KMO: variants seen among roughly 807,000 people sequenced by gnomAD.
KMO encodes kynurenine 3-hydroxylase.
KMO carries 24 observed loss-of-function variants against 57.8 expected under a neutral mutation model. The ratio of observed to expected loss-of-function variants is 0.42; its 90% CI spans 0.30 to 0.58. KMO has a LOEUF of 0.58. KMO is among the 20% of genes least tolerant of loss of function. KMO has a pLI of 0.22. For missense variants in KMO, 483 were observed against 588.2 expected (o/e 0.82, Z 1.85); for synonymous variants, 210 against 193.6 (o/e 1.08, Z -0.70).
At position 241,594,414 on chromosome 1, in the gene KMO, G is replaced by A; in HGVS notation, c.*2261G>A. Reference sequence around the variant, plus strand: ...CCAATTTAAGGCCCCATCTTTCGTTGCCATTCTTCATTCCTACAAAGGACG... The same window carrying A: ...CCAATTTAAGGCCCCATCTTTCGTTACCATTCTTCATTCCTACAAAGGACG... On this transcript the variant is annotated 3_prime_UTR_variant, in exon 15 of 15. Coordinates refer to ENST00000366559, the MANE Select transcript of KMO (RefSeq NM_003679.5). The A allele has an allele frequency of 1.2e-6, 2 of 1,606,498 alleles. No homozygotes were observed. The highest frequency in any genetic ancestry group is 1.7e-6 in the Non-Finnish European group (2 of 1,174,756).
chr1:241,556,762 G>A (rs1661641262), intron 5 of KMO, among the ~76,000 whole-genome samples: 1 of 152,120 alleles, frequency 6.6e-6, no homozygotes, highest in East Asian at 1.9e-4. Flanking sequence ...GGTGGCACAT[G>A]CCGGTAATCC....
At position 241,542,321 on chromosome 1, in the gene KMO, G is replaced by C. The variant is rs1212308120; in HGVS notation, c.55-6508G>C. On this transcript the variant is annotated intron_variant, in intron 1 of 14. Transcript: ENST00000366559. ...AAATATTCAAATAATATTTTTAAGT[G>C]GTAGGTTAGGCATCCCTATACAGCA... Among the ~76,000 whole-genome samples the C allele has an allele frequency of 2.0e-5, 3 of 152,092 alleles. No homozygotes were observed. In the East Asian group the frequency reaches 5.8e-4, roughly 29 times the overall value.
chr1:241,562,312 A>G lies in KMO; in HGVS notation c.595A>G (p.Ile199Val), dbSNP rs549995969. ...YIPHGYMELT[I>V]PPKNGDYAME... is the part of the protein sequence containing the mutation. ...TCCTCATGGGTACATGGAGTTGACT[A>G]TTCCACCTAAGAACGGAGATGTAAG... The change falls in exon 7 of 15, where the codon ATT becomes GTT. Residue 199 changes from isoleucine (I) to valine (V), a missense_variant. Ile to Val is a conservative substitution (Grantham distance 29). Transcript: ENST00000366559. The G allele has an allele frequency of 6.2e-7, 1 of 1,614,116 alleles. No homozygotes were observed. The highest frequency in any genetic ancestry group is 8.5e-7 in the Non-Finnish European group (1 of 1,179,962).
rs759424947 is a variant in KMO at position 241,590,068 on chromosome 1, T to G, written c.1155T>G (p.Phe385Leu). 1 of 1,613,938 alleles carries G rather than the reference T, an allele frequency of 6.2e-7. No individual in the cohort carries two copies. The highest frequency in any genetic ancestry group is 1.3e-5 in the African/African-American group (1 of 74,938). Residue 385 changes from phenylalanine to leucine, a missense_variant, in exon 13 of 15, where the codon TTT (phenylalanine) becomes TTG (leucine). Coordinates refer to ENST00000366559, the MANE Select transcript of KMO (RefSeq NM_003679.5). Reference protein sequence around the residue: ...WFIFQKNMERFLHAIMPSTFI... With the variant: ...WFIFQKNMERLLHAIMPSTFI... ...TTTTTCAGAAGAACATGGAGAGATT[T>G]CTTCATGCGATTATGCCATCGACCT... is the stretch of plus-strand genomic sequence containing the variant.
At chr1:241,583,622 T>A (rs937982461) in intron 10 of KMO, among the ~76,000 whole-genome samples, 1 of 152,230 alleles carries the variant, frequency 6.6e-6, no homozygotes, top group Non-Finnish European at 1.5e-5. Flanking sequence ...CTTAAAATCA[T>A]CTATAGATTA....
In KMO at chr1:241,588,756, C is replaced by T; in HGVS notation, c.1024C>T (p.Leu342Phe). 3 of 1,611,576 alleles carry T rather than the reference C, an allele frequency of 1.9e-6. No individual in the cohort carries two copies. The highest frequency in any genetic ancestry group is 1.7e-6 in the Non-Finnish European group (2 of 1,177,966). Residue 342 changes from leucine (L) to phenylalanine (F), a missense_variant, in exon 12 of 15, where the codon CTT (leucine) becomes TTT (phenylalanine). Around this residue, in one of 3 missense-constraint regions of KMO, gnomAD observed 410 missense variants for 492.3 expected, o/e 0.83. Transcript: ENST00000366559. ...TATTATTTAACTTACAGGTTTGTGT[C>T]TTCCTGTGTTCTCAAGATTGAGAAT... ...DKFSNDLSLC[L>F]PVFSRLRIPD...
chr1:241,547,505 G>A (rs1298309992), intron 1 of KMO, among the ~76,000 whole-genome samples: 2 of 151,722 alleles, frequency 1.3e-5, no homozygotes, highest in Non-Finnish European at 2.9e-5. Flanking sequence ...TGGTGAAAGA[G>A]GAGATCCAAA....
At position 241,550,752 on chromosome 1, in the gene KMO, C is replaced by T. The variant is rs140230482; in HGVS notation, c.223-203C>T. Among the ~76,000 whole-genome samples the T allele has an allele frequency of 8.0e-3, 1,222 of 152,150 alleles. 11 individuals are homozygous for T. Among genetic ancestry groups the T allele is most frequent in the African/African-American group, 0.028 (1,182 of 41,478 alleles). On this transcript the variant is annotated intron_variant, in intron 3 of 14. Coordinates refer to ENST00000366559, the MANE Select transcript of KMO (RefSeq NM_003679.5). ...ATAAATTTTAAGCCGGTTCTAAGAT[C>T]TAAGATTAAAAAAACAAACTAAAAG...
intron 3 of KMO, 157 bp downstream of exon 3, chr1:241,549,931 G>A (rs1298738379): frequency 1.7e-6 from 1 of 589,608 alleles, no homozygotes; most frequent in Non-Finnish European, 3.0e-6. Context: ...AATTTGGCAA[G>A]AGGGTGAACA....
At chr1:241,582,846 GT>G (rs758400792) in intron 10 of KMO, among the ~76,000 whole-genome samples, 3 of 152,160 alleles carry the variant, frequency 2.0e-5, no homozygotes, top group Non-Finnish European at 4.4e-5. Flanking sequence ...ATATCTGGGT[GT>G]TGAAGAATTA....
chr1:241,569,301 T>A (rs759916480), intron 10 of KMO, among the ~76,000 whole-genome samples: 23 of 151,212 alleles, frequency 1.5e-4, no homozygotes, highest in Non-Finnish European at 2.7e-4. Context: ...CCATTAACTA[T>A]CTCCACTTTA....
chr1:241,578,483 G>T (rs1314485948), intron 10 of KMO, among the ~76,000 whole-genome samples: 1 of 152,158 alleles, frequency 6.6e-6, no homozygotes, highest in Non-Finnish European at 1.5e-5. Flanking sequence ...TCTAGGTCCA[G>T]CAACACAGTG....
intron 4 of KMO, among the ~76,000 whole-genome samples, chr1:241,552,721 A>T (rs1661455575): frequency 6.6e-6 from 1 of 152,172 alleles, no homozygotes; most frequent in South Asian, 2.1e-4. Context: ...CACGGGCGAT[A>T]ATTTAGAAAT....
In KMO at chr1:241,556,814, A is replaced by G. The variant is rs564373582; in HGVS notation, c.361+1154A>G. Among the ~76,000 whole-genome samples the G allele has an allele frequency of 6.7e-3, 1,024 of 152,160 alleles. 15 individuals carry two copies. Among genetic ancestry groups the G allele is most frequent in the African/African-American group, 0.023 (975 of 41,548 alleles). ...TGAGGCAGGAGAATTGCTTGAACCC[A>G]GGAGGCGGAGGTTGCAGTGAGCCGA... On this transcript the variant is annotated intron_variant, in intron 5 of 14. Coordinates refer to ENST00000366559, the MANE Select transcript of KMO (RefSeq NM_003679.5).
rs764298399 is a variant in KMO at position 241,591,931 on chromosome 1, G to A, written c.1261-22G>A. On this transcript the variant is annotated intron_variant, in intron 14 of 14. Coordinates refer to ENST00000366559, the MANE Select transcript of KMO (RefSeq NM_003679.5). ...ATTTTAATCTCTGGACAAATGAAAT[G>A]AGAGTTCTTGCTGTCTTACAGGTGA... 5.6e-6 allele frequency: 9 copies of A among 1,593,970 alleles called. No individual in the cohort carries two copies. In the South Asian group the frequency reaches 1.0e-4, roughly 18 times the overall value.
chr1:241,549,245 G>T (rs1661287296), intron 2 of KMO, among the ~76,000 whole-genome samples: 1 of 20,192 alleles, frequency 5.0e-5, no homozygotes, highest in East Asian at 2.3e-3. Context: ...AAGAAAGAAA[G>T]AAAGAAAGAA....
intron 8 of KMO, among the ~76,000 whole-genome samples, chr1:241,565,838 G>A (rs917037832): frequency 3.9e-5 from 6 of 152,012 alleles, no homozygotes; most frequent in Non-Finnish European, 8.8e-5. Context: ...ATCTGTCCTG[G>A]GGTCCAGGGC....
At chr1:241,536,808 T>G (rs902806090) in intron 1 of KMO, among the ~76,000 whole-genome samples, 3 of 152,202 alleles carry the variant, frequency 2.0e-5, no homozygotes, top group Non-Finnish European at 4.4e-5. Flanking sequence ...GTATTTTGAC[T>G]TATTGTTGAT....
rs186538230 is a variant in KMO, at chr1:241,586,221, C to T, written c.958-458C>T. 9.0e-3 allele frequency among the ~76,000 whole-genome samples: 862 copies of T among 95,342 alleles called. 15 individuals carry two copies. The highest frequency in any genetic ancestry group is 0.033 in the African/African-American group (833 of 25,024). The allele number at this position is 95,342 out of a possible 152,430, so 62.5% of individuals were successfully genotyped here. A position where few individuals can be genotyped will look rare whatever the true frequency, so the allele number is the denominator to read the frequency against. ...TTTTTTTTTTTTTTTTTTTTTGAGA[C>T]AGGGTCTCGCTCTGTCACCCAGGCT... On this transcript the variant is annotated intron_variant, in intron 10 of 14. Coordinates refer to ENST00000366559, the MANE Select transcript of KMO (RefSeq NM_003679.5).
Sources: gnomAD v4.1 joint callset for allele counts (sites outside exome capture counted in the v4.1 genomes callset) on GRCh38, gnomAD v4.1.1 for gene constraint, gnomAD v4.1.1 regional missense constraint, MANE v1.5 for transcripts, NCBI Gene and HGNC (gene_info 2026-07-23, HGNC 2026-07-21) for gene names.